Variants in ZNF717 observed in about 807,000 individuals in gnomAD.
ZNF717 encodes the protein krueppel-like factor X17.
ZNF717 carries 9 observed loss-of-function variants against 13.8 expected under a neutral mutation model. The ratio of observed to expected loss-of-function variants is 0.65; its 90% CI spans 0.39 to 1.14. The LOEUF (loss-of-function observed/expected upper bound fraction) is 1.14. Among genes scored for constraint, ZNF717 ranks in the 50% most tolerant of loss-of-function variants. ZNF717 has a pLI of 0.01. For synonymous variants in ZNF717, 327 were observed against 364.1 expected (o/e 0.90, Z 1.16); for missense variants, 1,040 against 1,080.7 (o/e 0.96, Z 0.53).
intron 2 of ZNF717, among the ~76,000 whole-genome samples, chr3:75,759,473 C>T (rs111593626): frequency 0.023 from 3,472 of 152,270 alleles, 67 homozygotes; most frequent in Non-Finnish European, 0.037. Flanking sequence ...TACGGCATTT[C>T]ACTGTGTTAG....
At chr3:75,763,078 A>C (rs1943165089) in intron 2 of ZNF717, among the ~76,000 whole-genome samples, 2 of 152,268 alleles carry the variant, frequency 1.3e-5, no homozygotes, top group African/African-American at 4.8e-5. Context: ...AACTAGAATT[A>C]TCAAACTCCT....
downstream of ZNF717, among the ~76,000 whole-genome samples, chr3:75,726,932 A>T (rs2918492): frequency 4.2e-5 from 6 of 143,334 alleles, no homozygotes; most frequent in Non-Finnish European, 3.1e-5. Context: ...CTCATAATGA[A>T]CATTTTAATC....
chr3:75,779,156 C>T (rs542110938), intron 2 of ZNF717, among the ~76,000 whole-genome samples: 4 of 151,860 alleles, frequency 2.6e-5, no homozygotes, highest in South Asian at 2.1e-4. Context: ...GAGTGACGTG[C>T]GAAAACCGGA....
intron 4 of ZNF717, among the ~76,000 whole-genome samples, chr3:75,723,769 C>T (rs76222632): frequency 7.2e-6 from 1 of 138,164 alleles, no homozygotes; most frequent in Non-Finnish European, 1.6e-5. Context: ...CTAGCGGTAG[C>T]TCTAGTGCCT....
chr3:75,738,993 T>C lies in ZNF717; in HGVS notation c.630A>G (p.Gln210=), dbSNP rs1439881323. The change falls in exon 5 of 5, where the codon CAA becomes CAG. Residue 210 remains glutamine, a synonymous_variant. Transcript: ENST00000652011. ...HKIQTLLQTF[Q]CNEQGKTFNT... ...TGAAGGTTTTCCCTTGTTCATTACA[T>C]TGAAAAGTCTGCAGCAGAGTTTGAA... 2 of 1,551,506 alleles carry C rather than the reference T, an allele frequency of 1.3e-6. No individual in the cohort carries two copies. The highest frequency in any genetic ancestry group is 1.7e-6 in the Non-Finnish European group (2 of 1,146,954).
At chr3:75,707,404 G>A (rs1176350595), downstream of ZNF717, among the ~76,000 whole-genome samples, 1 of 152,256 alleles carries the variant, frequency 6.6e-6, no homozygotes, top group Non-Finnish European at 1.5e-5. Context: ...ACACCTCATT[G>A]TCCCCAATAC....
chr3:75,755,674 T>C (rs558492255), intron 2 of ZNF717, among the ~76,000 whole-genome samples: 4 of 152,304 alleles, frequency 2.6e-5, no homozygotes, highest in African/African-American at 9.6e-5. Flanking sequence ...CTTGAATTGG[T>C]TGTAAATGTA....
rs79165653 is a variant in ZNF717, at chr3:75,739,165, C to T, written c.458G>A (p.Gly153Glu). The T allele has an allele frequency of 3.2e-6, 5 of 1,551,152 alleles. No homozygotes were observed. The East Asian group carries it at 1.2e-4, about 38-fold the overall frequency. The change falls in exon 5 of 5, where the codon GGA becomes GAA. Residue 153 changes from glycine (G) to glutamate (E), a missense_variant. Coordinates refer to ENST00000652011, the MANE Select transcript of ZNF717 (RefSeq NM_001290208.3). ...NLIINNGNSSGMKPGQFNDCQ... is the reference protein window; with the variant it reads ...NLIINNGNSSEMKPGQFNDCQ... The stretch of plus-strand genomic sequence containing the variant: ...ATCATTAAACTGCCCAGGCTTCATT[C>T]CTGAACTGTTTCCATTATTTATAAT...
At chr3:75,739,928 T>C (rs1422042679) in intron 4 of ZNF717, among the ~76,000 whole-genome samples, 1 of 152,066 alleles carries the variant, frequency 6.6e-6, no homozygotes, top group Non-Finnish European at 1.5e-5. Flanking sequence ...TTATTCCCCA[T>C]GTTAAACAAA....
At chr3:75,696,320 A>T (rs1176322686) in intron 6 of ZNF717, among the ~76,000 whole-genome samples, 1 of 152,284 alleles carries the variant, frequency 6.6e-6, no homozygotes, top group Non-Finnish European at 1.5e-5. Flanking sequence ...TAATTAAAAA[A>T]GTCTGTAGGA....
exon 6 of ZNF717, chr3:75,730,482 A>G: frequency 1.9e-6 from 1 of 540,264 alleles, no homozygotes; most frequent in Non-Finnish European, 3.2e-6. Flanking sequence ...AAATTTGGAA[A>G]AATAAAAGAA....
chr3:75,756,081 CA>C (rs1247716785), intron 2 of ZNF717, among the ~76,000 whole-genome samples: 15 of 152,282 alleles, frequency 9.9e-5, no homozygotes, highest in African/African-American at 3.6e-4. Flanking sequence ...TTTCCTACAG[CA>C]CGTGCTCACT....
At chr3:75,694,970 CA>C (rs1937589190) in intron 6 of ZNF717, among the ~76,000 whole-genome samples, 1 of 151,996 alleles carries the variant, frequency 6.6e-6, no homozygotes. Context: ...AACAAAATGG[CA>C]GGAGTAAGTG....
intron 2 of ZNF717, among the ~76,000 whole-genome samples, chr3:75,761,992 T>G (rs1420506769): frequency 1.3e-5 from 2 of 150,446 alleles, no homozygotes; most frequent in Admixed American, 6.7e-5. Context: ...AGGTGGAGGT[T>G]GCAGTCAGCT....
At chr3:75,706,222 C>T (rs76697033), downstream of ZNF717, among the ~76,000 whole-genome samples, 6 of 152,306 alleles carry the variant, frequency 3.9e-5, no homozygotes, top group South Asian at 1.0e-3. Context: ...ATTATTAAAA[C>T]GGTGGATAAT....
intron 2 of ZNF717, among the ~76,000 whole-genome samples, chr3:75,751,544 T>G (rs199995804): frequency 1.5e-5 from 2 of 129,678 alleles, no homozygotes; most frequent in African/African-American, 2.9e-5. Flanking sequence ...TGCTGCTGGG[T>G]TCTGAGTATT....
At chr3:75,734,920 G>A (rs1316883296), downstream of ZNF717, among the ~76,000 whole-genome samples, 1 of 147,202 alleles carries the variant, frequency 6.8e-6, no homozygotes, top group East Asian at 2.0e-4. Context: ...CCTCCTCCCT[G>A]GTTCAAGCAA....
chr3:75,748,721 G>A (rs1315624134), intron 2 of ZNF717, among the ~76,000 whole-genome samples: 1 of 152,050 alleles, frequency 6.6e-6, no homozygotes, highest in South Asian at 2.1e-4. Flanking sequence ...CGTGACAAAC[G>A]CACAGCCAAT....
At chr3:75,765,561 C>T (rs897011609) in intron 2 of ZNF717, among the ~76,000 whole-genome samples, 1 of 152,130 alleles carries the variant, frequency 6.6e-6, no homozygotes, top group Non-Finnish European at 1.5e-5. Context: ...CAGGTGCACA[C>T]CACGATGTCA....
Sources: gnomAD v4.1 joint callset for allele counts (sites outside exome capture counted in the v4.1 genomes callset) on GRCh38, gnomAD v4.1.1 for gene constraint, MANE v1.5 for transcripts, NCBI Gene and HGNC (gene_info 2026-07-23, HGNC 2026-07-21) for gene names.